ATP2B2: variants seen among roughly 807,000 people sequenced by gnomAD.
ATP2B2 encodes ATPase plasma membrane Ca2+ transporting 2.
In ATP2B2, 15 loss-of-function variants were observed where a neutral mutation model predicts 120.0. The ratio of observed to expected loss-of-function variants is 0.12; its 90% CI spans 0.08 to 0.19. The LOEUF (loss-of-function observed/expected upper bound fraction) is 0.19, where lower values mean the gene tolerates loss of function less well. Among genes scored for constraint, ATP2B2 ranks in the 10% least tolerant of loss-of-function variants. The pLI is 1.00. For missense variants in ATP2B2, 1,045 were observed against 1,719.8 expected, an observed-to-expected ratio of 0.61 and a Z score of 6.94; for synonymous variants, 694 against 700.3, an observed-to-expected ratio of 0.99 and a Z score of 0.14.
At chr3:10,463,483 C>T (rs1002727792) in intron 1 of ATP2B2, among the ~76,000 whole-genome samples, 8 of 152,260 alleles carry the variant, frequency 5.3e-5, no homozygotes, top group Non-Finnish European at 8.8e-5. Context: ...GGCATCAAAC[C>T]AGCAAATCCA....
intron 21 of ATP2B2, among the ~76,000 whole-genome samples, chr3:10,339,675 C>G (rs6810334): frequency 6.6e-6 from 1 of 152,144 alleles, no homozygotes; most frequent in Non-Finnish European, 1.5e-5. Context: ...CCACAGATGG[C>G]CACAGGCACA....
In ATP2B2 at chr3:10,380,024, G is replaced by A. The variant is rs868372820; in HGVS notation, c.1001-740C>T. Among the ~76,000 whole-genome samples the A allele has an allele frequency of 1.6e-4, 25 of 152,348 alleles. 1 individual carries two copies. Among genetic ancestry groups the A allele is most frequent in the Admixed American group, 4.6e-4 (7 of 15,312 alleles). On this transcript the variant is annotated intron_variant, in intron 8 of 22. Transcript: ENST00000360273. Reference sequence around the variant, plus strand: ...GGACCTCAAGTGTGGCCGGGTTCTTGATGAAGTGCTCTGGTCCCCAATGGG... The same window carrying A: ...GGACCTCAAGTGTGGCCGGGTTCTTAATGAAGTGCTCTGGTCCCCAATGGG...
chr3:10,573,151 ATTT>A (rs61701156), intron 2 of ATP2B2, among the ~76,000 whole-genome samples: 1 of 146,356 alleles, frequency 6.8e-6, no homozygotes, highest in South Asian at 2.2e-4. Flanking sequence ...AGCCAAATAC[ATTT>A]TTTTTTTTTT....
intron 2 of ATP2B2, chr3:10,566,487 G>T (rs547707888): frequency 6.6e-6 from 1 of 152,138 alleles, no homozygotes; most frequent in Non-Finnish European, 1.5e-5. Context: ...ATAAAGAAGA[G>T]AAATAAAATG....
chr3:10,442,466 A>T (rs1282235261), intron 2 of ATP2B2, among the ~76,000 whole-genome samples: 2 of 152,184 alleles, frequency 1.3e-5, no homozygotes, highest in Non-Finnish European at 2.9e-5. Flanking sequence ...GCCTATGACC[A>T]TCGATAGCAT....
At chr3:10,452,841 C>T (rs2064111771) in intron 1 of ATP2B2, among the ~76,000 whole-genome samples, 1 of 152,128 alleles carries the variant, frequency 6.6e-6, no homozygotes, top group Non-Finnish European at 1.5e-5. Flanking sequence ...ACCTGGAGCC[C>T]CAGGAGGCCT....
intron 4 of ATP2B2, among the ~76,000 whole-genome samples, chr3:10,401,356 G>A (rs1285502307): frequency 1.3e-5 from 2 of 152,152 alleles, no homozygotes; most frequent in Non-Finnish European, 2.9e-5. Context: ...TCTTGACCTC[G>A]CCTGAACTTG....
intron 2 of ATP2B2, among the ~76,000 whole-genome samples, chr3:10,584,588 G>T (rs965011624): frequency 2.4e-4 from 36 of 152,192 alleles, no homozygotes; most frequent in African/African-American, 7.2e-4. Context: ...TTTCCAGAGG[G>T]AAAGGGACAT....
chr3:10,621,013 T>G (rs983545550), intron 1 of ATP2B2, among the ~76,000 whole-genome samples: 3 of 152,184 alleles, frequency 2.0e-5, no homozygotes, highest in Non-Finnish European at 4.4e-5. Context: ...GGCTCCATTC[T>G]ACCTCACTGA....
chr3:10,593,013 TG>T, intron 2 of ATP2B2, among the ~76,000 whole-genome samples: 1 of 152,334 alleles, frequency 6.6e-6, no homozygotes, highest in Non-Finnish European at 1.5e-5. Flanking sequence ...CCCAAACTTC[TG>T]GGCTCAAGCA....
chr3:10,626,303 CT>C (rs2069697564), intron 1 of ATP2B2: 1 of 152,358 alleles, frequency 6.6e-6, no homozygotes, highest in Non-Finnish European at 1.5e-5. Context: ...ACTTTGCCAT[CT>C]CTTCTTTGTG....
In ATP2B2 at chr3:10,364,391, T is replaced by C. The variant is rs570432433; in HGVS notation, c.1660-4268A>G. On this transcript the variant is annotated intron_variant, in intron 12 of 22. Coordinates refer to ENST00000360273, the MANE Select transcript of ATP2B2 (RefSeq NM_001001331.4). ...TTATGGTATATATATTTTATGCAAA[T>C]TTTTAAAATAAAAAATAACTTAAAA... is the stretch of plus-strand genomic sequence containing the variant. Among the ~76,000 whole-genome samples, 3 of 152,258 alleles carry C rather than the reference T, an allele frequency of 2.0e-5. No homozygotes were observed. The East Asian group carries it at 5.8e-4, about 29-fold the overall frequency.
At chr3:10,507,953 C>T (rs1159041831), upstream of ATP2B2, among the ~76,000 whole-genome samples, 1 of 116,782 alleles carries the variant, frequency 8.6e-6, no homozygotes, top group African/African-American at 2.9e-5. Context: ...TGAGTGTGGG[C>T]TCACTGGGAG....
At chr3:10,642,176 G>T (rs2070191880) in intron 1 of ATP2B2, among the ~76,000 whole-genome samples, 1 of 152,150 alleles carries the variant, frequency 6.6e-6, no homozygotes, top group Non-Finnish European at 1.5e-5. Flanking sequence ...GTATAAACTT[G>T]GGCAAAGTAG....
intron 1 of ATP2B2, among the ~76,000 whole-genome samples, chr3:10,504,425 C>G (rs532649146): frequency 3.9e-5 from 6 of 152,160 alleles, no homozygotes; most frequent in African/African-American, 1.4e-4. Context: ...CATGCAGCGT[C>G]GCACTAAGAC....
At chr3:10,558,814 C>T (rs558573804) in intron 2 of ATP2B2, among the ~76,000 whole-genome samples, 8 of 151,446 alleles carry the variant, frequency 5.3e-5, no homozygotes, top group Middle Eastern at 3.4e-3. Flanking sequence ...GGGGAGAGCA[C>T]GGAATAACAG....
At chr3:10,504,676 G>A (rs1285778740) in intron 1 of ATP2B2, among the ~76,000 whole-genome samples, 1 of 152,116 alleles carries the variant, frequency 6.6e-6, no homozygotes, top group Non-Finnish European at 1.5e-5. Flanking sequence ...AGGGAGTCCT[G>A]AGGCCCCCTG....
chr3:10,640,362 C>T (rs2070139527), intron 1 of ATP2B2, among the ~76,000 whole-genome samples: 1 of 152,154 alleles, frequency 6.6e-6, no homozygotes, highest in Non-Finnish European at 1.5e-5. Context: ...AGCACAGCAC[C>T]TCTCTAAATC....
intron 5 of ATP2B2, among the ~76,000 whole-genome samples, chr3:10,398,153 TG>T (rs202144196): frequency 0.01 from 1,554 of 152,282 alleles, 21 homozygotes; most frequent in Admixed American, 0.02. Context: ...GAGAGACTGA[TG>T]GGAACACTTT....
Sources: allele counts gnomAD v4.1 joint callset (sites outside exome capture counted in the v4.1 genomes callset), GRCh38; gene constraint gnomAD v4.1.1; transcripts MANE v1.5; gene names NCBI Gene and HGNC (gene_info 2026-07-23, HGNC 2026-07-21).